Variants in BIRC6 observed in about 807,000 individuals in gnomAD.
The protein encoded by BIRC6 is dual E2 ubiquitin-conjugating enzyme/E3 ubiquitin-protein ligase BIRC6.
A neutral mutation model predicts 503.3 loss-of-function variants in BIRC6; 98 were observed. The observed-to-expected ratio is 0.19, with a 90% CI of 0.17 to 0.23. The LOEUF (loss-of-function observed/expected upper bound fraction) is 0.23, where lower values mean the gene tolerates loss of function less well. BIRC6 is among the 10% of genes least tolerant of loss of function. The probability of loss-of-function intolerance (pLI) is 1.00; values close to 1 mark genes in which losing one functional copy is unlikely to be tolerated. For synonymous variants in BIRC6, 2,240 were observed against 2,078.7 expected, an observed-to-expected ratio of 1.08 and a Z score of -2.11; for missense variants, 5,360 against 5,806.0, an observed-to-expected ratio of 0.92 and a Z score of 2.50.
At chr2:32,558,955 C>A (rs967674411) in intron 65 of BIRC6, 2 of 152,058 alleles carry the variant, frequency 1.3e-5, no homozygotes, top group African/African-American at 4.8e-5. Flanking sequence ...ATATTTCCTC[C>A]AAAATGCTAA....
At chr2:32,400,156 C>T (rs2040438323) in intron 6 of BIRC6, among the ~76,000 whole-genome samples, 1 of 151,912 alleles carries the variant, frequency 6.6e-6, no homozygotes, top group Non-Finnish European at 1.5e-5. Flanking sequence ...GCTCAGTAAG[C>T]ATTTATTTGA....
chr2:32,528,418 T>G (rs1038072053), intron 59 of BIRC6: 5 of 152,340 alleles, frequency 3.3e-5, no homozygotes, highest in Admixed American at 3.3e-4. Context: ...GAGACGGGGT[T>G]TCACCATGTT....
chr2:32,360,846 A>C (rs913663700), intron 1 of BIRC6, among the ~76,000 whole-genome samples: 8 of 151,888 alleles, frequency 5.3e-5, no homozygotes, highest in Non-Finnish European at 8.8e-5. Context: ...TACTTTGTTT[A>C]TTTGTTTATA....
chr2:32,389,696 A>G (rs1190778582), intron 4 of BIRC6, among the ~76,000 whole-genome samples: 1 of 152,050 alleles, frequency 6.6e-6, no homozygotes, highest in East Asian at 1.9e-4. Flanking sequence ...TTCATGTAGT[A>G]TTTATTTATT....
intron 1 of BIRC6, among the ~76,000 whole-genome samples, chr2:32,371,701 A>T (rs187781606): frequency 6.6e-6 from 1 of 151,466 alleles, no homozygotes; most frequent in Non-Finnish European, 1.5e-5. Context: ...TGTTTAATAT[A>T]TTTTTATAGA....
chr2:32,509,550 G>A lies in BIRC6; in HGVS notation c.9981-188G>A, dbSNP rs946407814. On this transcript the variant is annotated intron_variant, in intron 51 of 73. Coordinates refer to ENST00000421745, the MANE Select transcript of BIRC6 (RefSeq NM_016252.4). ...TTACAGGTGTTAGCCACCGTGCCTGGCCATGATTTATCTTATAGGGGAAAC... is the reference window on the plus strand; with the variant it reads ...TTACAGGTGTTAGCCACCGTGCCTGACCATGATTTATCTTATAGGGGAAAC... 6 of 658,414 alleles carry A rather than the reference G, an allele frequency of 9.1e-6. No individual in the cohort carries two copies. In the Admixed American group the frequency reaches 1.9e-4, roughly 21 times the overall value. 40.8% of individuals were successfully genotyped at this position (658,414 alleles called of 1,614,324 possible).
intron 21 of BIRC6, among the ~76,000 whole-genome samples, chr2:32,447,696 C>CG (rs1212156174): frequency 2.1e-5 from 2 of 93,582 alleles, no homozygotes. Context: ...GCTGGCCGGG[C>CG]GGGGGGCTGA....
chr2:32,557,131 T>C (rs996960595), intron 65 of BIRC6: 1 of 152,218 alleles, frequency 6.6e-6, no homozygotes, highest in African/African-American at 2.4e-5. Context: ...ACTGCTTAAC[T>C]ACCAAAAGTC....
At position 32,531,443 on chromosome 2, in the gene BIRC6, G is replaced by A. The variant is rs1188064211; in HGVS notation, c.12183G>A (p.Leu4061=). The change falls in exon 61 of 74, where the codon TTG becomes TTA. Residue 4061 remains leucine (L), a synonymous_variant. Transcript: ENST00000421745. The part of the protein sequence containing the change: ...ECMDGILDES[L]LETCPIQSPL... The stretch of plus-strand genomic sequence containing the variant: ...TGGATGGGATACTGGATGAATCTTT[G>A]CTTGAAACCTGTCCAATTCAGTCAC... 2 of 1,613,688 alleles carry A rather than the reference G, an allele frequency of 1.2e-6. No homozygotes were observed. The highest frequency in any genetic ancestry group is 1.7e-6 in the Non-Finnish European group (2 of 1,179,824).
At chr2:32,571,276 A>G (rs560111710) in intron 65 of BIRC6, among the ~76,000 whole-genome samples, 29 of 151,946 alleles carry the variant, frequency 1.9e-4, no homozygotes, top group Middle Eastern at 3.4e-3. Flanking sequence ...TGAGTTAGAG[A>G]GAATAAACTC....
chr2:32,488,235 C>T (rs187392110), intron 41 of BIRC6, among the ~76,000 whole-genome samples: 3 of 151,874 alleles, frequency 2.0e-5, no homozygotes, highest in Non-Finnish European at 4.4e-5. Flanking sequence ...CCCAGCTACT[C>T]GGGAGGCTGA....
chr2:32,362,540 G>T (rs374964257), intron 1 of BIRC6, among the ~76,000 whole-genome samples: 17 of 151,670 alleles, frequency 1.1e-4, no homozygotes, highest in African/African-American at 4.1e-4. Context: ...GGATGGTCTC[G>T]ATCTCTTGAC....
chr2:32,616,386 C>T (rs1456489423), intron 73 of BIRC6, among the ~76,000 whole-genome samples: 1 of 151,540 alleles, frequency 6.6e-6, no homozygotes, highest in African/African-American at 2.4e-5. Flanking sequence ...GGCAAAACCC[C>T]GTCTCTACCA....
At chr2:32,549,570 T>C (rs1029624647) in intron 65 of BIRC6, 89 bp downstream of exon 65, 5 of 1,143,074 alleles carry the variant, frequency 4.4e-6, no homozygotes, top group African/African-American at 1.6e-5. Flanking sequence ...GTTGAAATAG[T>C]TGATGGATTT....
Position 32,599,736 on chromosome 2 carries a change from C to T in BIRC6, c.13831-3C>T, listed in dbSNP as rs1373508536. The T allele has an allele frequency of 1.2e-6, 2 of 1,611,480 alleles. No homozygotes were observed. The highest frequency in any genetic ancestry group is 1.3e-5 in the African/African-American group (1 of 74,792). The stretch of plus-strand genomic sequence containing the variant: ...AGACTTTTGTATGTTTATATATATC[C>T]AGGTTCTAATAACTGGTCCAGCGGA... On this transcript the variant is annotated splice_polypyrimidine_tract_variant and splice_region_variant and intron_variant, in intron 69 of 73. Coordinates refer to ENST00000421745, the MANE Select transcript of BIRC6 (RefSeq NM_016252.4).
At chr2:32,460,624 A>G (rs2047792613) in intron 23 of BIRC6, among the ~76,000 whole-genome samples, 1 of 151,862 alleles carries the variant, frequency 6.6e-6, no homozygotes, top group African/African-American at 2.4e-5. Flanking sequence ...CCTTTGTAGT[A>G]TAAAAATAGA....
chr2:32,393,595 C>T (rs777898910), intron 5 of BIRC6, among the ~76,000 whole-genome samples: 4 of 152,190 alleles, frequency 2.6e-5, no homozygotes, highest in South Asian at 4.1e-4. Context: ...CACTGTGCCA[C>T]AGCTCACTGC....
chr2:32,368,317 GA>G (rs1283677541), intron 1 of BIRC6, among the ~76,000 whole-genome samples: 1 of 152,062 alleles, frequency 6.6e-6, no homozygotes, highest in Non-Finnish European at 1.5e-5. Flanking sequence ...GAGGTGGATG[GA>G]TCTCAAGGTC....
intron 3 of BIRC6, among the ~76,000 whole-genome samples, chr2:32,386,299 GA>G (rs2038447835): frequency 6.6e-6 from 1 of 152,104 alleles, no homozygotes; most frequent in African/African-American, 2.4e-5. Flanking sequence ...CTTTAATAAA[GA>G]TACCTCATTT....
Sources: allele counts gnomAD v4.1 joint callset (sites outside exome capture counted in the v4.1 genomes callset), GRCh38; gene constraint gnomAD v4.1.1; transcripts MANE v1.5; gene names NCBI Gene and HGNC (gene_info 2026-07-23, HGNC 2026-07-21).